Variants in DSCAML1 observed in about 807,000 individuals in gnomAD.
DSCAML1 encodes DS cell adhesion molecule like 1.
DSCAML1 carries 38 observed loss-of-function variants against 200.5 expected under a neutral mutation model. That is an observed-to-expected ratio of 0.19 (90% CI 0.15 to 0.25). DSCAML1 has a LOEUF of 0.25. Among genes scored for constraint, DSCAML1 ranks in the 10% least tolerant of loss-of-function variants. The pLI, the probability that DSCAML1 is intolerant of heterozygous loss-of-function variation, is 1.00. For synonymous variants in DSCAML1, 1,215 were observed against 1,165.0 expected (o/e 1.04, Z -0.87); for missense variants, 2,223 against 2,858.8 (o/e 0.78, Z 5.07).
At chr11:117,570,222 G>A (rs1194584236) in intron 3 of DSCAML1, among the ~76,000 whole-genome samples, 1 of 152,052 alleles carries the variant, frequency 6.6e-6, no homozygotes, top group Admixed American at 6.6e-5. Context: ...GGTAGTTTTC[G>A]GGGTATCTCA....
intron 3 of DSCAML1, among the ~76,000 whole-genome samples, chr11:117,712,616 A>T (rs1195032925): frequency 2.0e-5 from 3 of 151,926 alleles, no homozygotes; most frequent in Middle Eastern, 3.2e-3. Context: ...TTTCTTTTTT[A>T]TTATTATTAA....
intron 3 of DSCAML1, among the ~76,000 whole-genome samples, chr11:117,551,364 T>G (rs760088085): frequency 6.6e-6 from 1 of 152,144 alleles, no homozygotes; most frequent in Non-Finnish European, 1.5e-5. Context: ...GCCAGATGTA[T>G]ATGGTCATCC....
intron 3 of DSCAML1, among the ~76,000 whole-genome samples, chr11:117,709,139 G>T (rs1289187326): frequency 6.6e-6 from 1 of 152,206 alleles, no homozygotes; most frequent in African/African-American, 2.4e-5. Flanking sequence ...AAGGACCTCA[G>T]ATACTGCCTA....
At chr11:117,439,546 C>G in intron 22 of DSCAML1, 117 bp from the exon 23 acceptor site, 1 of 1,365,606 alleles carries the variant, frequency 7.3e-7, no homozygotes, top group Non-Finnish European at 9.9e-7. Context: ...CCAGGGAACG[C>G]CGGGTTCTTG....
At position 117,476,840 on chromosome 11, in the gene DSCAML1, C is replaced by T. The variant is rs184023450; in HGVS notation, c.2785+3603G>A. On this transcript the variant is annotated intron_variant, in intron 14 of 32. Coordinates refer to ENST00000651296, the MANE Select transcript of DSCAML1 (RefSeq NM_020693.4). ...ATGAGCAACATGGCAGAAATCCTGGCAAAGGCACATTTGGGGCAAAGAAGG... is the reference window on the plus strand; with the variant it reads ...ATGAGCAACATGGCAGAAATCCTGGTAAAGGCACATTTGGGGCAAAGAAGG... Among the ~76,000 whole-genome samples, 136 of 152,232 alleles carry T rather than the reference C, an allele frequency of 8.9e-4. 1 individual carries two copies. Among genetic ancestry groups the T allele is most frequent in the African/African-American group, 3.2e-3 (133 of 41,538 alleles).
At chr11:117,458,600 G>A (rs115750071) in intron 19 of DSCAML1, among the ~76,000 whole-genome samples, 154 bp downstream of exon 19, 1 of 152,094 alleles carries the variant, frequency 6.6e-6, no homozygotes, top group African/African-American at 2.4e-5. Context: ...GAATCCTAGA[G>A]CATTTCCCTC....
At chr11:117,716,458 C>G (rs1168314920) in intron 3 of DSCAML1, among the ~76,000 whole-genome samples, 1 of 152,188 alleles carries the variant, frequency 6.6e-6, no homozygotes, top group Non-Finnish European at 1.5e-5. Context: ...ACCTGACCAA[C>G]TTTACCCCCA....
intron 3 of DSCAML1, among the ~76,000 whole-genome samples, chr11:117,747,809 A>G (rs1456302159): frequency 6.6e-6 from 1 of 152,216 alleles, no homozygotes; most frequent in Non-Finnish European, 1.5e-5. Flanking sequence ...GCAGAGTTTT[A>G]TAAACCGCAG....
Position 117,776,827 on chromosome 11 carries a change from C to T in DSCAML1, c.475G>A (p.Val159Ile). ...PSSVQEYVSV[V>I]SWEKDTVSII... ...GAGACTGTGTCTTTCTCCCAAGATACAACGCTAACATATTCCTGCACTGAA... is the reference window on the plus strand; with the variant it reads ...GAGACTGTGTCTTTCTCCCAAGATATAACGCTAACATATTCCTGCACTGAA... Residue 159 changes from valine (V) to isoleucine (I), a missense_variant, in exon 3 of 33, where the codon GTA (valine) becomes ATA (isoleucine). Val to Ile is a conservative substitution (Grantham distance 29). Transcript: ENST00000651296. 1.9e-6 allele frequency: 3 copies of T among 1,614,168 alleles called. No homozygotes were observed. The highest frequency in any genetic ancestry group is 2.2e-5 in the East Asian group (1 of 44,886).
chr11:117,428,511 A>C lies in DSCAML1; in HGVS notation c.5979T>G (p.Ala1993=). ...CAGCGCTGGGGGCGGTGGGTGGCTC[A>C]GCAGGGGTGGGGCCGGGGGCTGGGG... The part of the protein sequence containing the change: ...TAPPAPGPTP[A]EPPTAPSAAP... Residue 1993 remains alanine (A), a synonymous_variant, in exon 33 of 33, where the codon GCT becomes GCG. Coordinates refer to ENST00000651296, the MANE Select transcript of DSCAML1 (RefSeq NM_020693.4). 7 of 1,436,676 alleles carry C rather than the reference A, an allele frequency of 4.9e-6. No homozygotes were observed. The highest frequency in any genetic ancestry group is 6.6e-6 in the Non-Finnish European group (7 of 1,062,834). The allele number at this position is 1,436,676 out of a possible 1,614,324, so 89.0% of individuals were successfully genotyped here.
Position 117,437,234 on chromosome 11 carries a change from C to T in DSCAML1, c.4608G>A (p.Val1536=). ...TGGCCTCTCGCAGTTCCGTCAGAAA[C>T]ACCTCCCCGGAGCTGTTGGCCCGGA... The part of the protein sequence containing the change: ...QGLRANSSGE[V]FLTELREATW... The change falls in exon 26 of 33, where the codon GTG becomes GTA. Residue 1536 remains valine, a synonymous_variant. Coordinates refer to ENST00000651296, the MANE Select transcript of DSCAML1 (RefSeq NM_020693.4). The surrounding 1 kb of genome is among the most constrained non-coding windows in gnomAD (Gnocchi z 5.3). 1.2e-6 allele frequency: 2 copies of T among 1,614,246 alleles called. No individual in the cohort carries two copies. The highest frequency in any genetic ancestry group is 2.2e-5 in the South Asian group (2 of 91,088).
At chr11:117,724,977 A>C (rs185612267) in intron 3 of DSCAML1, among the ~76,000 whole-genome samples, 1 of 152,268 alleles carries the variant, frequency 6.6e-6, no homozygotes, top group East Asian at 1.9e-4. Flanking sequence ...GGGCAGAGGG[A>C]ATGCATAAAT....
intron 3 of DSCAML1, among the ~76,000 whole-genome samples, chr11:117,592,159 C>CA (rs750827480): frequency 4.6e-5 from 7 of 152,110 alleles, no homozygotes; most frequent in African/African-American, 7.2e-5. Flanking sequence ...CCGCAGTAGT[C>CA]AGAGTCTGGA....
chr11:117,657,033 A>G (rs1247444426), intron 3 of DSCAML1, among the ~76,000 whole-genome samples: 3 of 152,234 alleles, frequency 2.0e-5, no homozygotes, highest in African/African-American at 7.2e-5. Context: ...ACTGAAGGCT[A>G]GTAAAACCCA....
At chr11:117,667,854 C>A (rs542752333) in intron 3 of DSCAML1, among the ~76,000 whole-genome samples, 1 of 152,306 alleles carries the variant, frequency 6.6e-6, no homozygotes, top group African/African-American at 2.4e-5. Flanking sequence ...TGTATCCGAA[C>A]ACATCGAAGG....
intron 3 of DSCAML1, among the ~76,000 whole-genome samples, chr11:117,558,450 A>G (rs1232682126): frequency 6.6e-6 from 1 of 152,210 alleles, no homozygotes; most frequent in East Asian, 1.9e-4. Context: ...TGGAGCCACG[A>G]GATGTTCAGT....
rs112356770 is a variant in DSCAML1 at position 117,564,134 on chromosome 11, A to G, written c.512-31612T>C. Reference sequence around the variant, plus strand: ...TTTTGGGAAAAGATGTCTGTTTAACACTGTATCCGCAAGAGGGAAAAGTGT... The same window carrying G: ...TTTTGGGAAAAGATGTCTGTTTAACGCTGTATCCGCAAGAGGGAAAAGTGT... On this transcript the variant is annotated intron_variant, in intron 3 of 32. Transcript: ENST00000651296. 1.6e-3 allele frequency among the ~76,000 whole-genome samples: 238 copies of G among 152,284 alleles called. 1 individual carries two copies. The highest frequency in any genetic ancestry group is 5.3e-3 in the African/African-American group (222 of 41,570).
rs149459632 is a variant in DSCAML1 at position 117,462,386 on chromosome 11, C to T, written c.3266-790G>A. On this transcript the variant is annotated intron_variant, in intron 17 of 32. Transcript: ENST00000651296. ...TGCCCCTCCTGAGATGACAGGCCTC[C>T]GAAACCCCACGCCCCAGGATCCACC... Among the ~76,000 whole-genome samples the T allele has an allele frequency of 3.9e-4, 59 of 152,282 alleles. 1 individual carries two copies. In the East Asian group the frequency reaches 8.3e-3, roughly 21 times the overall value.
intron 3 of DSCAML1, among the ~76,000 whole-genome samples, chr11:117,725,559 C>T (rs1347719180): frequency 3.3e-5 from 5 of 152,288 alleles, no homozygotes; most frequent in South Asian, 2.1e-4. Flanking sequence ...GCTCCCTGTC[C>T]GATCCGCACT....
Sources: allele counts gnomAD v4.1 joint callset (sites outside exome capture counted in the v4.1 genomes callset), GRCh38; gene constraint gnomAD v4.1.1; non-coding constraint Gnocchi (gnomAD v3.1); transcripts MANE v1.5; gene names NCBI Gene and HGNC (gene_info 2026-07-23, HGNC 2026-07-21).